Variants in P3H2 observed in about 807,000 individuals in gnomAD.
P3H2 encodes the protein prolyl 3-hydroxylase 2.
P3H2 carries 80 observed loss-of-function variants against 87.0 expected under a neutral mutation model. The ratio of observed to expected loss-of-function variants is 0.92; its 90% CI spans 0.77 to 1.11. The LOEUF is 1.11. Among genes scored for constraint, P3H2 ranks in the 50% least tolerant of loss-of-function variants. The pLI is 0.00. For missense variants in P3H2, 1,001 were observed against 923.9 expected (o/e 1.08, Z -1.08); for synonymous variants, 367 against 359.3 (o/e 1.02, Z -0.24).
intron 8 of P3H2, among the ~76,000 whole-genome samples, chr3:189,979,433 T>TA (rs1020389736): frequency 1.5e-4 from 22 of 149,814 alleles, no homozygotes; most frequent in African/African-American, 3.9e-4. Flanking sequence ...GGCTCTAAAA[T>TA]AAAAAAAAAG....
intron 11 of P3H2, 40 bp from the exon 12 acceptor site, chr3:189,972,047 G>T: frequency 8.1e-7 from 1 of 1,228,030 alleles, no homozygotes; most frequent in Non-Finnish European, 1.2e-6. Flanking sequence ...GAAATGAAGT[G>T]CAGCAACTTC....
chr3:190,000,190 C>T (rs1406512502), intron 1 of P3H2, among the ~76,000 whole-genome samples: 1 of 152,182 alleles, frequency 6.6e-6, no homozygotes, highest in East Asian at 1.9e-4. Flanking sequence ...GGCATCACTT[C>T]TTCCTCTCTG....
At chr3:189,999,261 C>T (rs1257272637) in intron 1 of P3H2, among the ~76,000 whole-genome samples, 1 of 152,078 alleles carries the variant, frequency 6.6e-6, no homozygotes, top group Non-Finnish European at 1.5e-5. Flanking sequence ...CCTTTATAGT[C>T]CAGAATTGAA....
rs74710829 is a variant in P3H2 at position 190,063,913 on chromosome 3, G to A, written c.480+56339C>T. 6.7e-3 allele frequency among the ~76,000 whole-genome samples: 1,012 copies of A among 151,122 alleles called. 13 individuals are homozygous for A. Among genetic ancestry groups the A allele is most frequent in the African/African-American group, 0.023 (947 of 41,202 alleles). ...TCTTTTCACCATGAGTTAGATTTGA[G>A]AATGTTTATACTTAACTATATATCT... On this transcript the variant is annotated intron_variant, in intron 1 of 14. Transcript: ENST00000319332.
chr3:190,087,380 C>CAAA (rs1264659262), intron 1 of P3H2, among the ~76,000 whole-genome samples: 1,770 of 144,978 alleles, frequency 0.012, 33 homozygotes, highest in African/African-American at 0.042. Context: ...ACTAAAAATA[C>CAAA]AAAAAAAAAA....
intron 1 of P3H2, among the ~76,000 whole-genome samples, chr3:190,072,918 C>T (rs899184698): frequency 6.6e-6 from 1 of 152,144 alleles, no homozygotes; most frequent in South Asian, 2.1e-4. Context: ...TGCAAATTAT[C>T]TACCATGAAC....
At chr3:189,959,242 T>TTTTA (rs200610953) in intron 14 of P3H2, among the ~76,000 whole-genome samples, 3 of 149,664 alleles carry the variant, frequency 2.0e-5, no homozygotes, top group Non-Finnish European at 3.0e-5. Flanking sequence ...TTTTTTTTTC[T>TTTTA]TTTATTTATT....
intron 1 of P3H2, among the ~76,000 whole-genome samples, chr3:190,017,364 C>G (rs866250454): frequency 6.6e-6 from 1 of 152,208 alleles, no homozygotes; most frequent in African/African-American, 2.4e-5. Flanking sequence ...TCCCCAGTTA[C>G]AAAAGTTTGG....
At chr3:190,066,349 G>A (rs998346536) in intron 1 of P3H2, among the ~76,000 whole-genome samples, 13 of 151,974 alleles carry the variant, frequency 8.6e-5, no homozygotes, top group African/African-American at 3.1e-4. Flanking sequence ...ACCTGTATGG[G>A]ATTGGTGACT....
At chr3:189,999,215 C>G (rs929175318) in intron 1 of P3H2, among the ~76,000 whole-genome samples, 10 of 152,294 alleles carry the variant, frequency 6.6e-5, no homozygotes, top group South Asian at 4.1e-4. Context: ...GGGTCCTTTT[C>G]TCAAATTTGA....
intron 1 of P3H2, among the ~76,000 whole-genome samples, chr3:190,116,001 A>G (rs1167532893): frequency 6.6e-6 from 1 of 152,242 alleles, no homozygotes; most frequent in African/African-American, 2.4e-5. Context: ...AGGAGATACA[A>G]GAATCACTAA....
Position 190,120,318 on chromosome 3 carries a change from G to A in P3H2, c.414C>T (p.Ser138=). ...LGGPASRHRV[S]EDVRSDFQRR... is the part of the protein sequence containing the mutation. ...GCTGGAAGTCGCTGCGCACATCCTC[G>A]CTGACGCGGTGGCGGGATGCGGGGC... is the stretch of plus-strand genomic sequence containing the variant. Residue 138 remains serine, a synonymous_variant, in exon 1 of 15, where the codon AGC becomes AGT. Transcript: ENST00000319332. 1.2e-6 allele frequency: 2 copies of A among 1,606,084 alleles called. No individual in the cohort carries two copies. The highest frequency in any genetic ancestry group is 1.7e-6 in the Non-Finnish European group (2 of 1,177,656).
At chr3:189,992,821 G>A (rs534846681) in intron 3 of P3H2, among the ~76,000 whole-genome samples, 32 of 152,282 alleles carry the variant, frequency 2.1e-4, no homozygotes, top group African/African-American at 7.2e-4. Context: ...TATTACTACT[G>A]ATAATTAAGA....
chr3:190,013,919 G>C (rs1235073658), intron 1 of P3H2, among the ~76,000 whole-genome samples: 1 of 151,816 alleles, frequency 6.6e-6, no homozygotes, highest in Non-Finnish European at 1.5e-5. Flanking sequence ...TGTTAGCTTT[G>C]ATCTTATTTT....
chr3:189,965,602 G>A (rs28393896), intron 13 of P3H2, among the ~76,000 whole-genome samples: 3 of 152,142 alleles, frequency 2.0e-5, no homozygotes, highest in African/African-American at 7.2e-5. Flanking sequence ...CAGTATCAAT[G>A]TGATTCTGTT....
intron 1 of P3H2, among the ~76,000 whole-genome samples, chr3:190,054,969 C>A (rs1726103316): frequency 6.6e-6 from 1 of 152,164 alleles, no homozygotes; most frequent in Non-Finnish European, 1.5e-5. Flanking sequence ...ATGAGAAATA[C>A]ATTGTGAAAG....
intron 1 of P3H2, among the ~76,000 whole-genome samples, chr3:190,012,876 CTG>C (rs1724637965): frequency 6.6e-6 from 1 of 152,126 alleles, no homozygotes. Flanking sequence ...AAAAACTCAT[CTG>C]TATAAAAAAC....
intron 1 of P3H2, among the ~76,000 whole-genome samples, chr3:190,099,674 GAAAGACAATCTAT>G (rs1560401078): frequency 6.6e-6 from 1 of 152,144 alleles, no homozygotes; most frequent in Admixed American, 6.5e-5. Context: ...AGTCTTACCT[GAAAGACAATCTAT>G]AAACTGCTTT....
chr3:190,069,356 C>A (rs1050583075), intron 1 of P3H2, among the ~76,000 whole-genome samples: 8 of 152,258 alleles, frequency 5.3e-5, no homozygotes, highest in Admixed American at 4.6e-4. Context: ...TTTGACATTT[C>A]ACTGATTTCA....
Sources: gnomAD v4.1 joint callset for allele counts (sites outside exome capture counted in the v4.1 genomes callset) on GRCh38, gnomAD v4.1.1 for gene constraint, MANE v1.5 for transcripts, NCBI Gene and HGNC (gene_info 2026-07-23, HGNC 2026-07-21) for gene names.